Variants in MACROD2 observed in about 807,000 individuals in gnomAD.
The protein encoded by MACROD2 is mono-ADP ribosylhydrolase 2, also known as ADP-ribose glycohydrolase MACROD2.
A neutral mutation model predicts 70.4 loss-of-function variants in MACROD2; 36 were observed. That is an observed-to-expected ratio of 0.51 (90% CI 0.39 to 0.68). MACROD2 has a LOEUF of 0.68. MACROD2 is among the 30% of genes least tolerant of loss of function. MACROD2 has a pLI of 0.00. For missense variants in MACROD2, 496 were observed against 538.4 expected, an observed-to-expected ratio of 0.92 and a Z score of 0.78; for synonymous variants, 172 against 178.8, an observed-to-expected ratio of 0.96 and a Z score of 0.30.
At chr20:15,406,057 T>A (rs2045996377) in intron 6 of MACROD2, among the ~76,000 whole-genome samples, 1 of 152,178 alleles carries the variant, frequency 6.6e-6, no homozygotes, top group South Asian at 2.1e-4. Flanking sequence ...GTTAGGGACT[T>A]CCGAGAGGAG....
intron 8 of MACROD2, among the ~76,000 whole-genome samples, chr20:15,591,407 C>T (rs1346478837): frequency 2.6e-5 from 4 of 151,824 alleles, no homozygotes; most frequent in Non-Finnish European, 5.9e-5. Context: ...GGTAACCAAC[C>T]GGTCAACACC....
intron 3 of MACROD2, among the ~76,000 whole-genome samples, chr20:14,314,244 A>G (rs1024972089): frequency 2.0e-5 from 3 of 152,230 alleles, no homozygotes; most frequent in African/African-American, 7.2e-5. Context: ...AAGGCAGCAG[A>G]GTAATGTAAT....
intron 4 of MACROD2, among the ~76,000 whole-genome samples, chr20:14,671,315 G>A (rs1227754631): frequency 3.3e-5 from 5 of 152,090 alleles, no homozygotes; most frequent in Non-Finnish European, 4.4e-5. Flanking sequence ...CATACTCTGG[G>A]CAGGATTTTA....
chr20:14,977,703 A>T (rs1449616987), intron 5 of MACROD2, among the ~76,000 whole-genome samples: 1 of 152,156 alleles, frequency 6.6e-6, no homozygotes, highest in Non-Finnish European at 1.5e-5. Flanking sequence ...AACAATGAAC[A>T]AGAATGGCGA....
intron 15 of MACROD2, among the ~76,000 whole-genome samples, chr20:15,994,323 TAATA>T (rs1319610966): frequency 6.7e-6 from 1 of 148,378 alleles, no homozygotes; most frequent in South Asian, 2.2e-4. Flanking sequence ...TACATATTAT[TAATA>T]AATTTTCTAA....
chr20:14,358,022 G>A (rs752259241), intron 3 of MACROD2, among the ~76,000 whole-genome samples: 13 of 152,166 alleles, frequency 8.5e-5, no homozygotes, highest in Admixed American at 2.0e-4. Flanking sequence ...CTTTGCAGCT[G>A]TAATTTATTT....
Position 15,035,927 on chromosome 20 carries a change from T to TG in MACROD2, c.419-194012dup, listed in dbSNP as rs530863208. The stretch of plus-strand genomic sequence containing the variant: ...TTTCTTTTAGGAGATCTGGTGTCAG[T>TG]GAAAACAAAAGCCAGGCATGCCAGC... On this transcript the variant is annotated intron_variant, in intron 5 of 17. Coordinates refer to ENST00000684519, the MANE Select transcript of MACROD2 (RefSeq NM_001351661.2). Among the ~76,000 whole-genome samples, 281 of 151,962 alleles carry TG rather than the reference T, an allele frequency of 1.8e-3. 1 individual carries two copies. Among genetic ancestry groups the TG allele is most frequent in the Non-Finnish European group, 3.1e-3 (213 of 67,960 alleles).
Position 15,869,226 on chromosome 20 carries a change from T to TAGAG in MACROD2, c.727+6401_727+6402insGAGA, listed in dbSNP as rs1420373621. ...TGTGATTAACATATATATATATATA[T>TAGAG]ATATATATATATAGAGAGAGAGAGA... On this transcript the variant is annotated intron_variant, in intron 9 of 17. Transcript: ENST00000684519. Among the ~76,000 whole-genome samples the TAGAG allele has an allele frequency of 6.1e-5, 3 of 49,366 alleles. 1 individual carries two copies. In the East Asian group the frequency reaches 1.5e-3, roughly 25 times the overall value. The allele number at this position is 49,366 out of a possible 152,430, so 32.4% of individuals were successfully genotyped here. A position where few individuals can be genotyped will look rare whatever the true frequency, so the allele number is the denominator to read the frequency against.
chr20:14,094,645 A>G (rs1292544537), intron 3 of MACROD2, among the ~76,000 whole-genome samples: 7 of 152,120 alleles, frequency 4.6e-5, no homozygotes. Context: ...CTTCATTTAA[A>G]TCACATTATT....
At chr20:14,554,106 T>C (rs147984231) in intron 4 of MACROD2, among the ~76,000 whole-genome samples, 23 of 152,242 alleles carry the variant, frequency 1.5e-4, no homozygotes, top group African/African-American at 5.3e-4. Context: ...ATTCAGTTTT[T>C]CCCCCATGTC....
intron 3 of MACROD2, among the ~76,000 whole-genome samples, chr20:14,203,110 G>T (rs893605198): frequency 6.6e-6 from 1 of 150,408 alleles, no homozygotes; most frequent in South Asian, 2.1e-4. Flanking sequence ...TTGTGTGTGT[G>T]ACTGTGTTAT....
intron 8 of MACROD2, among the ~76,000 whole-genome samples, chr20:15,650,619 C>G (rs577937999): frequency 3.0e-4 from 46 of 152,132 alleles, no homozygotes; most frequent in Non-Finnish European, 6.6e-4. Flanking sequence ...GTTTTCCACT[C>G]ACTTTTTATA....
At chr20:15,203,615 T>C (rs769267019) in intron 5 of MACROD2, among the ~76,000 whole-genome samples, 3 of 152,136 alleles carry the variant, frequency 2.0e-5, no homozygotes, top group Non-Finnish European at 2.9e-5. Flanking sequence ...TTCCATTAAC[T>C]TATGTGTTAA....
At chr20:14,812,870 A>G (rs1179054832) in intron 5 of MACROD2, among the ~76,000 whole-genome samples, 1 of 152,020 alleles carries the variant, frequency 6.6e-6, no homozygotes, top group Non-Finnish European at 1.5e-5. Flanking sequence ...CAGTCCCACA[A>G]GACTGCCTCC....
At chr20:14,001,242 A>G (rs183569439) in intron 1 of MACROD2, among the ~76,000 whole-genome samples, 1 of 152,196 alleles carries the variant, frequency 6.6e-6, no homozygotes, top group Non-Finnish European at 1.5e-5. Context: ...TGGCATAATA[A>G]TACTATCAAT....
chr20:15,901,158 C>T (rs1174441801), intron 10 of MACROD2, among the ~76,000 whole-genome samples: 3 of 152,160 alleles, frequency 2.0e-5, no homozygotes, highest in Non-Finnish European at 4.4e-5. Flanking sequence ...CCCTTAGGTT[C>T]ACTCAGCACA....
intron 5 of MACROD2, among the ~76,000 whole-genome samples, chr20:14,873,340 G>A (rs1286059110): frequency 1.3e-5 from 2 of 151,990 alleles, no homozygotes; most frequent in Non-Finnish European, 2.9e-5. Flanking sequence ...AATATTGTCT[G>A]TCTGCAACTA....
At chr20:14,205,741 C>T (rs4814288) in intron 3 of MACROD2, among the ~76,000 whole-genome samples, 146,610 of 152,244 alleles carry the variant, frequency 0.96, 70,622 homozygotes, top group Middle Eastern at 0.99. Flanking sequence ...ATTTGATTGT[C>T]TTTGCAGGAA....
intron 9 of MACROD2, among the ~76,000 whole-genome samples, chr20:15,874,817 C>A (rs2064644687): frequency 6.6e-6 from 1 of 152,070 alleles, no homozygotes; most frequent in Non-Finnish European, 1.5e-5. Flanking sequence ...GGTGGCATTG[C>A]AAAGGGGGAA....
Sources: gnomAD v4.1 joint callset for allele counts (sites outside exome capture counted in the v4.1 genomes callset) on GRCh38, gnomAD v4.1.1 for gene constraint, MANE v1.5 for transcripts, NCBI Gene and HGNC (gene_info 2026-07-23, HGNC 2026-07-21) for gene names.